The following KASH5 variants were observed in gnomAD, a reference collection of about 807,000 sequenced individuals.
KASH5 encodes protein KASH5.
Under a neutral mutation model 84.2 loss-of-function variants are expected in KASH5, and 72 were observed. The ratio of observed to expected loss-of-function variants is 0.85; its 90% CI spans 0.71 to 1.04. KASH5 has a LOEUF of 1.04. Ranked by LOEUF, KASH5 falls within the 50% of genes least tolerant of loss-of-function variation. The pLI is 0.00. For synonymous variants in KASH5, 260 were observed against 279.1 expected (o/e 0.93, Z 0.68); for missense variants, 650 against 701.0 (o/e 0.93, Z 0.82).
chr19:49,406,001 G>T (rs900443813), intron 9 of KASH5, among the ~76,000 whole-genome samples: 4 of 150,298 alleles, frequency 2.7e-5, no homozygotes, highest in Non-Finnish European at 4.4e-5. Flanking sequence ...TGTGGCAGGT[G>T]GCTGTAATCC....
Position 49,417,755 on chromosome 19 carries a change from G to C in KASH5, c.*245G>C. ...GATTATTCCCTCACAAAACAAGCCT[G>C]GCGAGGGCAGCTGTGGGCACACAGC... is the stretch of plus-strand genomic sequence containing the variant. On this transcript the variant is annotated 3_prime_UTR_variant, in exon 20 of 20. Transcript: ENST00000447857. The surrounding 1 kb of genome is among the most constrained non-coding windows in gnomAD (Gnocchi z 5.2). The C allele has an allele frequency of 2.2e-6, 1 of 459,288 alleles. No homozygotes were observed. The highest frequency in any genetic ancestry group is 3.6e-6 in the Non-Finnish European group (1 of 280,914). 28.5% of individuals were successfully genotyped at this position (459,288 alleles called of 1,614,324 possible).
rs1324176500 is a variant in KASH5, at chr19:49,396,254, T to G, written c.400+421T>G. Among the ~76,000 whole-genome samples the G allele has an allele frequency of 4.5e-4, 42 of 94,126 alleles. 2 individuals are homozygous for G. The highest frequency in any genetic ancestry group is 7.0e-4 in the Non-Finnish European group (31 of 44,356). The allele number at this position is 94,126 out of a possible 152,430, so 61.8% of individuals were successfully genotyped here. On this transcript the variant is annotated intron_variant, in intron 5 of 19. Transcript: ENST00000447857. ...CCCACCCTGCTGGACTTTTTTTTTTTTTTTTTTTTTTTTTTTGAGATAAGA... is the reference window on the plus strand; with the variant it reads ...CCCACCCTGCTGGACTTTTTTTTTTGTTTTTTTTTTTTTTTTGAGATAAGA...
At chr19:49,405,074 T>A (rs1974480941) in intron 9 of KASH5, among the ~76,000 whole-genome samples, 1 of 152,038 alleles carries the variant, frequency 6.6e-6, no homozygotes, top group South Asian at 2.1e-4. Context: ...TTAAAAGAAG[T>A]AAGACATTTC....
intron 7 of KASH5, 140 bp from the exon 8 acceptor site, chr19:49,398,885 T>A: frequency 4.6e-6 from 3 of 649,278 alleles, no homozygotes. Context: ...TGGGTCTCTG[T>A]CCTCCCCTCT....
rs762375075 is a variant in KASH5, at chr19:49,409,031, A to T, written c.1058A>T (p.Glu353Val). The change falls in exon 13 of 20, where the codon GAG (glutamate) becomes GTG (valine). Residue 353 changes from glutamate (E) to valine (V), a missense_variant and splice_region_variant. Physicochemically the swap from Glu to Val is moderately radical, Grantham distance 121. Transcript: ENST00000447857. ...QLSQTYEGPD[E>V]LPEGAQLRRV... Reference sequence around the variant, plus strand: ...AGTCAGACCTATGAGGGGCCCGATGAGTGAGTGGAATTTCAAGGGGTAGGA... The same window carrying T: ...AGTCAGACCTATGAGGGGCCCGATGTGTGAGTGGAATTTCAAGGGGTAGGA... 1 of 1,590,216 alleles carries T rather than the reference A, an allele frequency of 6.3e-7. No individual in the cohort carries two copies. The highest frequency in any genetic ancestry group is 1.1e-5 in the South Asian group (1 of 87,180).
In KASH5 at chr19:49,417,116, G is replaced by GA; in HGVS notation, c.1439+37_1439+38insA. On this transcript the variant is annotated intron_variant, in intron 18 of 19. Coordinates refer to ENST00000447857, the MANE Select transcript of KASH5 (RefSeq NM_144688.5). The surrounding 1 kb of genome is among the most constrained non-coding windows in gnomAD (Gnocchi z 5.2). Reference sequence around the variant, plus strand: ...CACAGGGTCCAGGAGGGACACTGGGGCAAGGAAAAACCCAGTGGTGATTCC... The same window carrying GA: ...CACAGGGTCCAGGAGGGACACTGGGGACAAGGAAAAACCCAGTGGTGATTCC... 6.2e-7 allele frequency: 1 copy of GA among 1,608,404 alleles called. No homozygotes were observed. Among genetic ancestry groups the GA allele is most frequent in the Non-Finnish European group, 8.5e-7 (1 of 1,177,440 alleles).
rs1974945051 is a variant in KASH5 at position 49,417,384 on chromosome 19, A to G, written c.1563A>G (p.Pro521=). 6.4e-7 allele frequency: 1 copy of G among 1,553,522 alleles called. No individual in the cohort carries two copies. Residue 521 remains proline (P), a synonymous_variant, in exon 20 of 20, where the codon CCA becomes CCG. Transcript: ENST00000447857. This position sits in a 1 kb window ranked among gnomAD's most constrained non-coding sequence, Gnocchi z 5.2. The part of the protein sequence containing the change: ...PPQRLRVTRH[P]LIPAPVLGLL... ...TCCCCACCAGAGTCACTCGACATCC[A>G]CTGATCCCAGCTCCTGTCCTGGGCC...
At position 49,409,810 on chromosome 19, in the gene KASH5, G is replaced by A. The variant is rs1974654730; in HGVS notation, c.1204G>A (p.Glu402Lys). 2 of 1,613,890 alleles carry A rather than the reference G, an allele frequency of 1.2e-6. No homozygotes were observed. Among genetic ancestry groups the A allele is most frequent in the Non-Finnish European group, 1.7e-6 (2 of 1,179,890 alleles). ...SNPLCGVWQW[E>K]EVIHETSEET... ...CCCTCTGTGTGGGGTGTGGCAGTGG[G>A]AGGAAGTCATCCATGAGACCAGTGA... is the stretch of plus-strand genomic sequence containing the variant. The change falls in exon 15 of 20, where the codon GAG becomes AAG. Residue 402 changes from glutamate to lysine, a missense_variant. Transcript: ENST00000447857.
chr19:49,391,032 G>C, intron 2 of KASH5, 106 bp downstream of exon 2: 1 of 1,323,244 alleles, frequency 7.6e-7, no homozygotes, highest in Non-Finnish European at 1.1e-6. Context: ...GCTGGGGGTG[G>C]CTGAGCCTTT....
intron 7 of KASH5, 97 bp from the exon 8 acceptor site, chr19:49,398,928 A>C: frequency 1.1e-6 from 1 of 902,894 alleles, no homozygotes; most frequent in Non-Finnish European, 1.7e-6. Flanking sequence ...ACCACCTGGG[A>C]TCTCTCTGTT....
At position 49,397,288 on chromosome 19, in the gene KASH5, CAG is replaced by C. The variant is rs568059601; in HGVS notation, c.401-362_401-361del. ...AGAGAGGAGGGGTGGAGCAGAGAGT[CAG>C]GGGCAGGAGGGAGAAGTCTGGGCTC... is the stretch of plus-strand genomic sequence containing the variant. On this transcript the variant is annotated intron_variant, in intron 5 of 19. Transcript: ENST00000447857. 4.9e-3 allele frequency among the ~76,000 whole-genome samples: 743 copies of C among 151,970 alleles called. 7 individuals are homozygous for C. The highest frequency in any genetic ancestry group is 7.5e-3 in the Non-Finnish European group (508 of 67,968).
Position 49,399,298 on chromosome 19 carries a change from C to A in KASH5, c.747+156C>A. On this transcript the variant is annotated intron_variant, in intron 8 of 19. Transcript: ENST00000447857. The surrounding 1 kb of genome is among the most constrained non-coding windows in gnomAD (Gnocchi z 4.4). ...TCACCCTAGACTTTTTCAAGCTTACCTGCCATCCTTCTCATGACAAAGGAG... is the reference window on the plus strand; with the variant it reads ...TCACCCTAGACTTTTTCAAGCTTACATGCCATCCTTCTCATGACAAAGGAG... The A allele has an allele frequency of 1.1e-6, 1 of 938,248 alleles. No homozygotes were observed. Among genetic ancestry groups the A allele is most frequent in the Non-Finnish European group, 1.6e-6 (1 of 621,480 alleles). The allele number at this position is 938,248 out of a possible 1,614,324, so 58.1% of individuals were successfully genotyped here.
intron 12 of KASH5, 95 bp downstream of exon 12, chr19:49,407,766 C>A: frequency 8.3e-7 from 1 of 1,201,866 alleles, no homozygotes; most frequent in South Asian, 1.3e-5. Context: ...GCCTCTTTGT[C>A]AGTGGCCACA....
In KASH5 at chr19:49,412,923, T is replaced by C; in HGVS notation, c.1270-45T>C. ...GTGGGCACTGTTAGGGTTGGAGCTT[T>C]GAGTGAGAAGAATCAGAGAAGAACT... is the stretch of plus-strand genomic sequence containing the variant. On this transcript the variant is annotated intron_variant, in intron 15 of 19. Transcript: ENST00000447857. The surrounding 1 kb of genome is among the most constrained non-coding windows in gnomAD (Gnocchi z 4.6). The C allele has an allele frequency of 6.2e-7, 1 of 1,604,118 alleles. No individual in the cohort carries two copies.
chr19:49,407,528 C>A (rs1416072967), intron 11 of KASH5, 84 bp from the exon 12 acceptor site: 3 of 1,437,920 alleles, frequency 2.1e-6, no homozygotes, highest in Non-Finnish European at 1.9e-6. Flanking sequence ...GTCCCTTAAC[C>A]CCCCAGCCAG....
rs573873497 is a variant in KASH5 at position 49,408,455 on chromosome 19, T to C, written c.994-512T>C. ...TTGTCTTGGCTGTGCTTTTTTTTTT[T>C]CTTTCTTTTTTGAGATGGAGTCTGG... On this transcript the variant is annotated intron_variant, in intron 12 of 19. Coordinates refer to ENST00000447857, the MANE Select transcript of KASH5 (RefSeq NM_144688.5). Among the ~76,000 whole-genome samples the C allele has an allele frequency of 5.4e-3, 827 of 151,758 alleles. 7 individuals carry two copies. The highest frequency in any genetic ancestry group is 0.014 in the Middle Eastern group (4 of 294).
Position 49,390,860 on chromosome 19 carries a change from G to A in KASH5, c.-24G>A. 6.3e-7 allele frequency: 1 copy of A among 1,583,146 alleles called. No individual in the cohort carries two copies. ...AGGGAGGCTGGTAGCTTTGCCAGCAGCTGCGCCGCGGCAGGGGTGGCCCAT... is the reference window on the plus strand; with the variant it reads ...AGGGAGGCTGGTAGCTTTGCCAGCAACTGCGCCGCGGCAGGGGTGGCCCAT... On this transcript the variant is annotated 5_prime_UTR_variant, in exon 2 of 20. Coordinates refer to ENST00000447857, the MANE Select transcript of KASH5 (RefSeq NM_144688.5).
At chr19:49,411,483 C>T (rs1974706869) in intron 15 of KASH5, among the ~76,000 whole-genome samples, 1 of 152,182 alleles carries the variant, frequency 6.6e-6, no homozygotes, top group African/African-American at 2.4e-5. Context: ...TCTTGTTACT[C>T]ATGGGAAACT....
intron 15 of KASH5, among the ~76,000 whole-genome samples, chr19:49,411,949 AAGGAAGG>A (rs1415518481): frequency 2.0e-5 from 3 of 149,186 alleles, no homozygotes; most frequent in Non-Finnish European, 4.5e-5. Context: ...GGAAGGAAGG[AAGGAAGG>A]AAGGAAGGAA....
Sources: gnomAD v4.1 joint callset for allele counts (sites outside exome capture counted in the v4.1 genomes callset) on GRCh38, gnomAD v4.1.1 for gene constraint, Gnocchi (gnomAD v3.1) non-coding constraint, MANE v1.5 for transcripts, NCBI Gene and HGNC (gene_info 2026-07-23, HGNC 2026-07-21) for gene names.